The following ZFHX3 variants were observed in gnomAD, a reference collection of about 807,000 sequenced individuals.
ZFHX3 encodes the protein zinc finger homeobox protein 3.
Under a neutral mutation model 279.1 loss-of-function variants are expected in ZFHX3, and 42 were observed. The ratio of observed to expected loss-of-function variants is 0.15; its 90% CI spans 0.12 to 0.19. The LOEUF (loss-of-function observed/expected upper bound fraction) is 0.19, where lower values mean the gene tolerates loss of function less well. Ranked by LOEUF, ZFHX3 falls within the 10% of genes least tolerant of loss-of-function variation. ZFHX3 has a pLI of 1.00. For synonymous variants in ZFHX3, 2,293 were observed against 1,957.8 expected, an observed-to-expected ratio of 1.17 and a Z score of -4.52; for missense variants, 4,981 against 4,754.0, an observed-to-expected ratio of 1.05 and a Z score of -1.40.
chr16:73,716,396 A>G (rs555283972), intron 1 of ZFHX3, among the ~76,000 whole-genome samples: 4 of 152,268 alleles, frequency 2.6e-5, no homozygotes, highest in Non-Finnish European at 5.9e-5. Flanking sequence ...GAGTTTCTAG[A>G]AAAGCACCAC....
intron 2 of ZFHX3, among the ~76,000 whole-genome samples, chr16:73,576,079 A>G (rs886166048): frequency 3.9e-5 from 6 of 152,184 alleles, no homozygotes; most frequent in Admixed American, 1.3e-4. Flanking sequence ...ATTATCTTTA[A>G]TACTTATACA....
intron 1 of ZFHX3, among the ~76,000 whole-genome samples, chr16:73,042,683 C>T (rs1218279154): frequency 6.6e-6 from 1 of 152,062 alleles, no homozygotes; most frequent in Non-Finnish European, 1.5e-5. Flanking sequence ...AGGGGTCTCA[C>T]TCCCAGATCA....
intron 1 of ZFHX3, among the ~76,000 whole-genome samples, chr16:72,994,166 G>C (rs1033580841): frequency 8.6e-5 from 13 of 152,034 alleles, no homozygotes; most frequent in African/African-American, 3.1e-4. Flanking sequence ...CTTTTATAAG[G>C]GACCTTATCA....
At chr16:73,112,038 G>T (rs1225177510) in intron 7 of ZFHX3, among the ~76,000 whole-genome samples, 2 of 152,002 alleles carry the variant, frequency 1.3e-5, no homozygotes, top group African/African-American at 4.8e-5. Flanking sequence ...TACACTGGTG[G>T]GTCTAGGTGG....
intron 5 of ZFHX3, among the ~76,000 whole-genome samples, chr16:73,239,379 C>T (rs752292440): frequency 1.2e-4 from 18 of 152,296 alleles, no homozygotes; most frequent in South Asian, 2.1e-4. Flanking sequence ...TGGCTAAGGC[C>T]GAACTTCCTT....
chr16:73,503,723 C>T (rs1042124916), intron 2 of ZFHX3, among the ~76,000 whole-genome samples: 1 of 152,150 alleles, frequency 6.6e-6, no homozygotes, highest in Non-Finnish European at 1.5e-5. Context: ...GTCAGAGAAA[C>T]GTGGGGGAGG....
At position 72,783,195 on chromosome 16, in the gene ZFHX3, T is replaced by C. The variant is rs1004066312; in HGVS notation, c.*3969A>G. The C allele has an allele frequency of 6.6e-6, 1 of 152,546 alleles. No homozygotes were observed. The highest frequency in any genetic ancestry group is 2.4e-5 in the African/African-American group (1 of 41,402). The allele number at this position is 152,546 out of a possible 1,614,324, so 9.4% of individuals were successfully genotyped here. A position where few individuals can be genotyped will look rare whatever the true frequency, so the allele number is the denominator to read the frequency against. Reference sequence around the variant, plus strand: ...TATTTTTTTTGTTGTTTTTTGTTTTTTTTTCTTTTTGTACATTGCAAAGGC... The same window carrying C: ...TATTTTTTTTGTTGTTTTTTGTTTTCTTTTCTTTTTGTACATTGCAAAGGC... On this transcript the variant is annotated 3_prime_UTR_variant, in exon 10 of 10. Coordinates refer to ENST00000268489, the MANE Select transcript of ZFHX3 (RefSeq NM_006885.4).
chr16:72,817,534 C>A (rs986604668), intron 5 of ZFHX3, among the ~76,000 whole-genome samples: 8 of 152,186 alleles, frequency 5.3e-5, no homozygotes, highest in Admixed American at 1.3e-4. Flanking sequence ...GAATTAGTTT[C>A]TGTGTTTCCT....
intron 4 of ZFHX3, among the ~76,000 whole-genome samples, chr16:73,258,042 C>T (rs931541648): frequency 1.3e-5 from 2 of 152,178 alleles, no homozygotes; most frequent in African/African-American, 4.8e-5. Flanking sequence ...AACAGGTCTC[C>T]AGATTTTGCC....
chr16:73,148,379 C>T (rs1966877661), intron 5 of ZFHX3, among the ~76,000 whole-genome samples: 1 of 152,102 alleles, frequency 6.6e-6, no homozygotes, highest in African/African-American at 2.4e-5. Context: ...CCTTGTTTGG[C>T]AGAAATAATC....
chr16:72,923,021 A>C (rs1959236421), intron 3 of ZFHX3, among the ~76,000 whole-genome samples: 1 of 152,194 alleles, frequency 6.6e-6, no homozygotes, highest in Non-Finnish European at 1.5e-5. Flanking sequence ...AAATTACAGC[A>C]AGTATATCCA....
chr16:73,518,230 C>T (rs2019555461), intron 2 of ZFHX3, among the ~76,000 whole-genome samples: 1 of 152,160 alleles, frequency 6.6e-6, no homozygotes, highest in Admixed American at 6.5e-5. Flanking sequence ...GAGATCATCG[C>T]CTTCTTTCGC....
chr16:73,620,480 A>G (rs1015209932), intron 2 of ZFHX3, among the ~76,000 whole-genome samples: 5 of 152,234 alleles, frequency 3.3e-5, no homozygotes, highest in Non-Finnish European at 5.9e-5. Context: ...GTGGAGGGAC[A>G]GGAGATATTA....
chr16:73,223,738 A>G (rs931723256), intron 5 of ZFHX3, among the ~76,000 whole-genome samples: 1 of 152,234 alleles, frequency 6.6e-6, no homozygotes, highest in Non-Finnish European at 1.5e-5. Flanking sequence ...ATGTCTACTC[A>G]GAAACCTGCA....
At chr16:72,835,605 C>A (rs1180434070) in intron 4 of ZFHX3, among the ~76,000 whole-genome samples, 1 of 152,112 alleles carries the variant, frequency 6.6e-6, no homozygotes, top group African/African-American at 2.4e-5. Flanking sequence ...AGGACGACCA[C>A]TGAAGCAGGT....
intron 1 of ZFHX3, among the ~76,000 whole-genome samples, chr16:73,040,106 C>A (rs1487409234): frequency 6.6e-6 from 1 of 152,160 alleles, no homozygotes; most frequent in Non-Finnish European, 1.5e-5. Context: ...GGCTCCCCCA[C>A]AAGCAAGAGT....
chr16:73,883,931 G>A (rs2030262094), intron 1 of ZFHX3, among the ~76,000 whole-genome samples: 1 of 151,952 alleles, frequency 6.6e-6, no homozygotes, highest in Non-Finnish European at 1.5e-5. Flanking sequence ...AAGTTACTTT[G>A]GAAATTTCAA....
intron 3 of ZFHX3, among the ~76,000 whole-genome samples, chr16:73,432,590 C>T (rs2017928104): frequency 6.6e-6 from 1 of 152,148 alleles, no homozygotes; most frequent in African/African-American, 2.4e-5. Flanking sequence ...TTCCCATATG[C>T]AAGAGCTGTT....
chr16:73,432,737 G>A (rs141155772), intron 3 of ZFHX3, among the ~76,000 whole-genome samples: 9 of 152,202 alleles, frequency 5.9e-5, no homozygotes, highest in African/African-American at 1.4e-4. Flanking sequence ...AGCAGAAACC[G>A]TCTGTGATCC....
Sources: allele counts gnomAD v4.1 joint callset (sites outside exome capture counted in the v4.1 genomes callset), GRCh38; gene constraint gnomAD v4.1.1; transcripts MANE v1.5; gene names NCBI Gene and HGNC (gene_info 2026-07-23, HGNC 2026-07-21).